Variants in NELL1 observed in about 807,000 individuals in gnomAD.
The protein encoded by NELL1 is neural EGFL like 1.
A neutral mutation model predicts 107.4 loss-of-function variants in NELL1; 76 were observed. The observed-to-expected ratio is 0.71, with a 90% CI of 0.59 to 0.86. The LOEUF (loss-of-function observed/expected upper bound fraction) is 0.86. Ranked by LOEUF, NELL1 falls within the 40% of genes least tolerant of loss-of-function variation. NELL1 has a pLI of 0.00. For missense variants in NELL1, 1,024 were observed against 1,005.5 expected, an observed-to-expected ratio of 1.02 and a Z score of -0.25; for synonymous variants, 353 against 341.2, an observed-to-expected ratio of 1.03 and a Z score of -0.38.
chr11:21,017,777 T>A (rs1480164209), intron 12 of NELL1, among the ~76,000 whole-genome samples: 1 of 152,142 alleles, frequency 6.6e-6, no homozygotes, highest in African/African-American at 2.4e-5. Flanking sequence ...TATTTCTAAA[T>A]GCAAACTTGA....
chr11:20,776,007 TCCAGA>T (rs1293734529), intron 2 of NELL1, among the ~76,000 whole-genome samples: 2 of 152,228 alleles, frequency 1.3e-5, no homozygotes, highest in Non-Finnish European at 2.9e-5. Flanking sequence ...TATATTGTGT[TCCAGA>T]CTTTGGAGCC....
intron 13 of NELL1, among the ~76,000 whole-genome samples, chr11:21,136,104 C>T (rs1017594531): frequency 2.6e-5 from 4 of 151,894 alleles, no homozygotes; most frequent in Admixed American, 1.3e-4. Flanking sequence ...TACATAGGGC[C>T]GTAGGGGAAG....
At chr11:21,522,897 G>A (rs1435384213) in intron 15 of NELL1, among the ~76,000 whole-genome samples, 1 of 121,554 alleles carries the variant, frequency 8.2e-6, no homozygotes, top group East Asian at 2.5e-4. Flanking sequence ...CTGGAGTGCA[G>A]TGGCTCGATC....
chr11:21,097,284 G>C (rs1854667034), intron 12 of NELL1, among the ~76,000 whole-genome samples: 1 of 152,164 alleles, frequency 6.6e-6, no homozygotes, highest in Admixed American at 6.6e-5. Context: ...ATAAATGCTT[G>C]GTGCCGTGAA....
chr11:20,674,178 T>C (rs1032039788), intron 1 of NELL1, among the ~76,000 whole-genome samples: 2 of 152,174 alleles, frequency 1.3e-5, no homozygotes, highest in Admixed American at 6.5e-5. Flanking sequence ...ACATGTCATA[T>C]ATGGATTTTA....
intron 14 of NELL1, among the ~76,000 whole-genome samples, chr11:21,302,188 T>C (rs1028003002): frequency 6.6e-6 from 1 of 152,000 alleles, no homozygotes; most frequent in Non-Finnish European, 1.5e-5. Context: ...TTCTGTTCCA[T>C]ATGTTGTTGA....
intron 12 of NELL1, among the ~76,000 whole-genome samples, chr11:20,972,246 A>G (rs1851516716): frequency 6.6e-6 from 1 of 152,218 alleles, no homozygotes. Context: ...GGGGAATGAA[A>G]AGATTTAAGG....
chr11:21,080,722 C>G (rs573588700), intron 12 of NELL1, among the ~76,000 whole-genome samples: 1 of 152,052 alleles, frequency 6.6e-6, no homozygotes, highest in Admixed American at 6.6e-5. Flanking sequence ...ATTACTATGT[C>G]AAAGGTATGT....
intron 15 of NELL1, among the ~76,000 whole-genome samples, chr11:21,447,465 G>A (rs1016460726): frequency 6.6e-6 from 1 of 152,100 alleles, no homozygotes; most frequent in East Asian, 1.9e-4. Flanking sequence ...ATTATTCAGG[G>A]CCATGGGCTC....
intron 4 of NELL1, among the ~76,000 whole-genome samples, chr11:20,864,122 GGGGAGA>G (rs796319278): frequency 5.7e-5 from 7 of 122,084 alleles, no homozygotes; most frequent in South Asian, 5.0e-4. Flanking sequence ...GGGAGACTGT[GGGGAGA>G]GGGAGAGGGA....
chr11:20,981,718 A>G (rs1851753252), intron 12 of NELL1, among the ~76,000 whole-genome samples: 1 of 152,202 alleles, frequency 6.6e-6, no homozygotes, highest in Non-Finnish European at 1.5e-5. Flanking sequence ...AAGAAAGTGT[A>G]GATGTGTGGT....
chr11:20,676,461 G>A (rs1329888926), intron 1 of NELL1, among the ~76,000 whole-genome samples: 1 of 152,166 alleles, frequency 6.6e-6, no homozygotes. Context: ...GTGAATGGAA[G>A]GAAGACATCT....
chr11:21,573,095 A>AT (rs1231983209), intron 18 of NELL1, 90 bp from the exon 19 acceptor site: 1 of 951,994 alleles, frequency 1.1e-6, no homozygotes, highest in Non-Finnish European at 1.6e-6. Flanking sequence ...AGTGATGAGA[A>AT]TTACTGTGCT....
chr11:21,327,013 T>C (rs913514455), intron 14 of NELL1, among the ~76,000 whole-genome samples: 49 of 152,128 alleles, frequency 3.2e-4, no homozygotes, highest in Middle Eastern at 3.4e-3. Context: ...TATGATATGG[T>C]TTGGCTGTGT....
At chr11:20,720,599 C>A (rs1270324590) in intron 2 of NELL1, among the ~76,000 whole-genome samples, 1 of 152,070 alleles carries the variant, frequency 6.6e-6, no homozygotes, top group Non-Finnish European at 1.5e-5. Flanking sequence ...TTTTTCTTTC[C>A]ATTTTTGGAT....
At chr11:21,253,668 A>G (rs1858695081) in intron 14 of NELL1, among the ~76,000 whole-genome samples, 1 of 152,184 alleles carries the variant, frequency 6.6e-6, no homozygotes, top group African/African-American at 2.4e-5. Context: ...TTGGCAAAAC[A>G]GCCAGTTCCA....
intron 14 of NELL1, among the ~76,000 whole-genome samples, chr11:21,257,777 C>T (rs1388835479): frequency 6.6e-6 from 1 of 151,922 alleles, no homozygotes; most frequent in African/African-American, 2.4e-5. Context: ...GCTAAAGTGG[C>T]CACCTGAATG....
At chr11:21,282,747 C>A (rs553013658) in intron 14 of NELL1, among the ~76,000 whole-genome samples, 1 of 152,026 alleles carries the variant, frequency 6.6e-6, no homozygotes, top group African/African-American at 2.4e-5. Context: ...GCACTAGTCA[C>A]AATAGCCAAG....
intron 15 of NELL1, among the ~76,000 whole-genome samples, chr11:21,441,410 C>G (rs917642600): frequency 6.8e-6 from 1 of 146,176 alleles, no homozygotes; most frequent in African/African-American, 2.5e-5. Context: ...TCCGAACTGT[C>G]TTTTGATGGG....
Sources: allele counts gnomAD v4.1 joint callset (sites outside exome capture counted in the v4.1 genomes callset), GRCh38; gene constraint gnomAD v4.1.1; transcripts MANE v1.5; gene names NCBI Gene and HGNC (gene_info 2026-07-23, HGNC 2026-07-21).